RBFOX3: variants seen among roughly 807,000 people sequenced by gnomAD.
The protein encoded by RBFOX3 is RNA binding fox-1 homolog 3, also known as RNA binding protein fox-1 homolog 3.
RBFOX3 carries 17 observed loss-of-function variants against 48.7 expected under a neutral mutation model. The observed-to-expected ratio is 0.35, with a 90% CI of 0.24 to 0.52. The LOEUF is 0.52. RBFOX3 is among the 20% of genes least tolerant of loss of function. The pLI, the probability that RBFOX3 is intolerant of heterozygous loss-of-function variation, is 0.94. For synonymous variants in RBFOX3, 212 were observed against 209.5 expected (o/e 1.01, Z -0.10); for missense variants, 382 against 497.5 (o/e 0.77, Z 2.21).
intron 4 of RBFOX3, among the ~76,000 whole-genome samples, chr17:79,135,342 C>T (rs1249720835): frequency 6.6e-6 from 1 of 152,186 alleles, no homozygotes; most frequent in African/African-American, 2.4e-5. Context: ...ACCTTAAGTG[C>T]TGTCCTCTCA....
At chr17:79,554,695 T>C (rs2091476809) in intron 1 of RBFOX3, among the ~76,000 whole-genome samples, 1 of 152,232 alleles carries the variant, frequency 6.6e-6, no homozygotes, top group Non-Finnish European at 1.5e-5. Context: ...TCAATATACA[T>C]TTGTGGGAAA....
chr17:79,097,668 T>TCCCCG (rs752901365), intron 10 of RBFOX3, 24 bp downstream of exon 10: 64 of 1,010,922 alleles, frequency 6.3e-5, no homozygotes, highest in Middle Eastern at 4.4e-4. Flanking sequence ...TCTCATCCCA[T>TCCCCG]CCCCGCCCCG....
the RBFOX3 span, among the ~76,000 whole-genome samples, chr17:79,629,083 G>C: frequency 1.3e-5 from 2 of 152,242 alleles, no homozygotes; most frequent in African/African-American, 4.8e-5. Context: ...GGGGCCCACA[G>C]GCACGAGCAA....
At chr17:79,330,140 T>C (rs1024950529) in intron 2 of RBFOX3, among the ~76,000 whole-genome samples, 4 of 152,172 alleles carry the variant, frequency 2.6e-5, no homozygotes, top group Non-Finnish European at 4.4e-5. Flanking sequence ...TGGGCGCGCG[T>C]GTACCTGCGT....
intron 4 of RBFOX3, among the ~76,000 whole-genome samples, chr17:79,181,819 G>A (rs375044883): frequency 3.3e-5 from 5 of 152,126 alleles, no homozygotes; most frequent in Admixed American, 6.5e-5. Context: ...GGGCCAGCTC[G>A]GAAGGTCCCA....
At chr17:79,365,369 A>C (rs11651649) in intron 2 of RBFOX3, among the ~76,000 whole-genome samples, 19,864 of 152,278 alleles carry the variant, frequency 0.13, 1,445 homozygotes, top group African/African-American at 0.18. Context: ...ATCCACTAAG[A>C]GAAAATGAAA....
intron 2 of RBFOX3, among the ~76,000 whole-genome samples, chr17:79,440,989 C>T (rs941229504): frequency 4.6e-5 from 7 of 152,242 alleles, no homozygotes; most frequent in South Asian, 2.1e-4. Flanking sequence ...GGAAATGTCC[C>T]GCCAGAGCTG....
intron 2 of RBFOX3, among the ~76,000 whole-genome samples, chr17:79,354,452 T>C (rs1291844071): frequency 6.6e-6 from 1 of 152,052 alleles, no homozygotes; most frequent in Non-Finnish European, 1.5e-5. Flanking sequence ...AGCAGGAGAG[T>C]GAGGACACCC....
At position 79,535,262 on chromosome 17, in the gene RBFOX3, T is replaced by C. The variant is rs868961842; in HGVS notation, c.-319-52664A>G. ...CCCAAGGCCCCTCTCCAAGGGCTGT[T>C]CACAGAGGCTGACTCCCGTCCTCCC... On this transcript the variant is annotated intron_variant, in intron 1 of 14. Transcript: ENST00000693108. The surrounding 1 kb of genome is among the most constrained non-coding windows in gnomAD (Gnocchi z 4.5). Among the ~76,000 whole-genome samples, 1 of 152,180 alleles carries C rather than the reference T, an allele frequency of 6.6e-6. No homozygotes were observed. Among genetic ancestry groups the C allele is most frequent in the Non-Finnish European group, 1.5e-5 (1 of 68,012 alleles).
At chr17:79,098,272 C>G in intron 9 of RBFOX3, 1 of 155,262 alleles carries the variant, frequency 6.4e-6, no homozygotes, top group Non-Finnish European at 1.4e-5. Context: ...GAGTCCTGCT[C>G]TCACTTTCCT....
At chr17:79,448,544 G>A (rs1426449072) in intron 2 of RBFOX3, among the ~76,000 whole-genome samples, 8 of 152,210 alleles carry the variant, frequency 5.3e-5, no homozygotes, top group South Asian at 2.1e-4. Context: ...ACCTGGGGCC[G>A]AGAAGCTGGA....
intron 1 of RBFOX3, among the ~76,000 whole-genome samples, chr17:79,488,278 T>C (rs2079956998): frequency 6.6e-6 from 1 of 152,072 alleles, no homozygotes; most frequent in South Asian, 2.1e-4. Flanking sequence ...CATGGCTTCA[T>C]TTATAGGATT....
chr17:79,232,905 C>T (rs1298019356), intron 4 of RBFOX3, among the ~76,000 whole-genome samples: 3 of 152,324 alleles, frequency 2.0e-5, no homozygotes, highest in East Asian at 1.9e-4. Flanking sequence ...TTCTCACCCA[C>T]GACTGGTGGG....
chr17:79,606,170 C>T (rs891849952), intron 1 of RBFOX3, among the ~76,000 whole-genome samples: 8 of 152,276 alleles, frequency 5.3e-5, no homozygotes, highest in Middle Eastern at 3.4e-3. Flanking sequence ...ACCAGAAGGA[C>T]GCCTGGGCCT....
At chr17:79,452,705 G>A (rs370200382) in intron 2 of RBFOX3, among the ~76,000 whole-genome samples, 2 of 152,174 alleles carry the variant, frequency 1.3e-5, no homozygotes, top group Non-Finnish European at 2.9e-5. Context: ...GAGAGACTCG[G>A]ACTTGGTGGC....
intron 2 of RBFOX3, among the ~76,000 whole-genome samples, chr17:79,475,963 T>C (rs1467137): frequency 0.68 from 103,499 of 152,128 alleles, 35,391 homozygotes; most frequent in East Asian, 0.82. Context: ...CCACCCAGTC[T>C]GTGGCATTCT....
chr17:79,287,717 A>G (rs1163940705), intron 3 of RBFOX3, among the ~76,000 whole-genome samples: 2 of 152,142 alleles, frequency 1.3e-5, no homozygotes. Flanking sequence ...TTAAAGAAAG[A>G]AGGGCTCAGC....
At chr17:79,366,436 C>T (rs1234349516) in intron 2 of RBFOX3, among the ~76,000 whole-genome samples, 1 of 152,220 alleles carries the variant, frequency 6.6e-6, no homozygotes, top group Non-Finnish European at 1.5e-5. Flanking sequence ...CAGCTAACGC[C>T]TGCTCTAAAA....
chr17:79,282,746 TCTTCCAAACCCAG>T (rs1301985051), intron 3 of RBFOX3, among the ~76,000 whole-genome samples: 4 of 152,238 alleles, frequency 2.6e-5, no homozygotes, highest in Admixed American at 6.5e-5. Context: ...TCAGCCCACC[TCTTCCAAACCCAG>T]CACAACCAAC....
Sources: allele counts gnomAD v4.1 joint callset (sites outside exome capture counted in the v4.1 genomes callset), GRCh38; gene constraint gnomAD v4.1.1; non-coding constraint Gnocchi (gnomAD v3.1); transcripts MANE v1.5; gene names NCBI Gene and HGNC (gene_info 2026-07-23, HGNC 2026-07-21).